Variants in MYOF observed in about 807,000 individuals in gnomAD.
MYOF encodes the protein myoferlin, also known as fer-1-like 3, myoferlin.
Under a neutral mutation model 284.2 loss-of-function variants are expected in MYOF, and 244 were observed. The ratio of observed to expected loss-of-function variants is 0.86; its 90% CI spans 0.77 to 0.95. The LOEUF (loss-of-function observed/expected upper bound fraction) is 0.95. MYOF is among the 40% of genes least tolerant of loss of function. The probability of loss-of-function intolerance (pLI) is 0.00; values close to 1 mark genes in which losing one functional copy is unlikely to be tolerated. For synonymous variants in MYOF, 904 were observed against 919.7 expected, an observed-to-expected ratio of 0.98 and a Z score of 0.31; for missense variants, 2,496 against 2,560.6, an observed-to-expected ratio of 0.97 and a Z score of 0.54.
At chr10:93,326,159 C>G (rs1160443613) in intron 45 of MYOF, among the ~76,000 whole-genome samples, 194 bp from the exon 46 acceptor site, 2 of 152,172 alleles carry the variant, frequency 1.3e-5, no homozygotes, top group Non-Finnish European at 1.5e-5. Flanking sequence ...CAACCAGGCT[C>G]AAGCCTAACT....
chr10:93,467,766 C>T (rs1275227530), intron 1 of MYOF, among the ~76,000 whole-genome samples: 1 of 152,186 alleles, frequency 6.6e-6, no homozygotes, highest in East Asian at 1.9e-4. Flanking sequence ...AAATGTGGCA[C>T]ATATATGCCA....
At chr10:93,341,716 T>C (rs935284390) in intron 38 of MYOF, among the ~76,000 whole-genome samples, 6 of 152,244 alleles carry the variant, frequency 3.9e-5, no homozygotes, top group African/African-American at 1.2e-4. Context: ...TTATATCTAA[T>C]AATAAACTTG....
intron 1 of MYOF, among the ~76,000 whole-genome samples, chr10:93,481,269 C>T (rs541726137): frequency 7.2e-5 from 11 of 152,236 alleles, no homozygotes; most frequent in East Asian, 3.9e-4. Flanking sequence ...GGCGTGATCA[C>T]GGCTCACTGT....
chr10:93,378,604 A>G (rs774044554), intron 21 of MYOF, among the ~76,000 whole-genome samples: 8 of 150,578 alleles, frequency 5.3e-5, no homozygotes, highest in Non-Finnish European at 1.2e-4. Flanking sequence ...TAATGTTGAA[A>G]TCAAAACACC....
chr10:93,367,820 G>A (rs1275964332), intron 25 of MYOF, among the ~76,000 whole-genome samples: 5 of 151,898 alleles, frequency 3.3e-5, no homozygotes, highest in South Asian at 2.1e-4. Context: ...TCTCGGGGGT[G>A]GGGGGGAATT....
intron 17 of MYOF, among the ~76,000 whole-genome samples, chr10:93,391,270 C>T (rs549638256): frequency 6.6e-6 from 1 of 152,294 alleles, no homozygotes; most frequent in African/African-American, 2.4e-5. Context: ...TCTATGTGCT[C>T]ACATCTTAGT....
intron 5 of MYOF, among the ~76,000 whole-genome samples, chr10:93,413,728 C>A (rs1847999668): frequency 6.6e-6 from 1 of 152,208 alleles, no homozygotes; most frequent in Admixed American, 6.5e-5. Context: ...GGGGCTCACA[C>A]CTCTAATCCC....
chr10:93,401,431 C>T lies in MYOF; in HGVS notation c.1104G>A (p.Glu368=). The change falls in exon 12 of 54, where the codon GAG becomes GAA. Residue 368 remains glutamate, a synonymous_variant. Transcript: ENST00000359263. ...ATCAGTACATACTCTGGGGGATGTCCTCAGCTCGGTAGATTTTCAGCAAGA... is the reference window on the plus strand; with the variant it reads ...ATCAGTACATACTCTGGGGGATGTCTTCAGCTCGGTAGATTTTCAGCAAGA... ...VTFLLKIYRA[E]DIPQMDDAFS... The T allele has an allele frequency of 6.2e-7, 1 of 1,614,124 alleles. No homozygotes were observed. Among genetic ancestry groups the T allele is most frequent in the Non-Finnish European group, 8.5e-7 (1 of 1,180,020 alleles).
At chr10:93,367,560 C>A (rs577054107) in intron 25 of MYOF, among the ~76,000 whole-genome samples, 3 of 152,224 alleles carry the variant, frequency 2.0e-5, no homozygotes, top group African/African-American at 7.2e-5. Flanking sequence ...GACCTTAAGG[C>A]TTGGGGTCAC....
chr10:93,337,945 G>T (rs1305769404), intron 39 of MYOF, 32 bp from the exon 40 acceptor site: 12 of 1,500,164 alleles, frequency 8.0e-6, no homozygotes, highest in African/African-American at 1.4e-5. Flanking sequence ...AAAATCTTTA[G>T]TGATGTCCTG....
intron 5 of MYOF, among the ~76,000 whole-genome samples, chr10:93,413,656 G>A (rs916921667): frequency 2.0e-5 from 3 of 152,182 alleles, no homozygotes; most frequent in Non-Finnish European, 2.9e-5. Context: ...GAAGGCTGTC[G>A]CAGGAAGTCC....
chr10:93,356,161 C>T (rs974613443), intron 30 of MYOF, among the ~76,000 whole-genome samples: 5 of 152,142 alleles, frequency 3.3e-5, no homozygotes, highest in African/African-American at 7.2e-5. Context: ...TGTTTTAGAT[C>T]ACCCACTGCC....
chr10:93,354,528 C>A (rs1844692173), intron 31 of MYOF, among the ~76,000 whole-genome samples: 1 of 152,168 alleles, frequency 6.6e-6, no homozygotes, highest in South Asian at 2.1e-4. Flanking sequence ...TCTCCAGCAG[C>A]TATAGAAACG....
intron 27 of MYOF, among the ~76,000 whole-genome samples, chr10:93,361,787 G>A (rs1845087167): frequency 6.6e-6 from 1 of 152,114 alleles, no homozygotes; most frequent in Non-Finnish European, 1.5e-5. Context: ...ATAGTACTAG[G>A]TTCAATCATG....
At chr10:93,475,360 G>T (rs376377573) in intron 1 of MYOF, among the ~76,000 whole-genome samples, 1 of 152,118 alleles carries the variant, frequency 6.6e-6, no homozygotes. Flanking sequence ...ACATAAAACT[G>T]GCAGCTTCAT....
chr10:93,375,856 C>T (rs1490829512), intron 22 of MYOF, among the ~76,000 whole-genome samples: 2 of 152,150 alleles, frequency 1.3e-5, no homozygotes, highest in Admixed American at 1.3e-4. Context: ...CCAAGGGTTC[C>T]TGAGAATGGC....
chr10:93,339,510 G>T (rs936845656), intron 39 of MYOF, among the ~76,000 whole-genome samples: 3 of 151,788 alleles, frequency 2.0e-5, no homozygotes, highest in Non-Finnish European at 4.4e-5. Flanking sequence ...TGTTGCCCAG[G>T]CTGGAGTACA....
At position 93,316,191 on chromosome 10, in the gene MYOF, C is replaced by A. The variant is rs1842603760; in HGVS notation, c.5698+523G>T. On this transcript the variant is annotated intron_variant, in intron 50 of 53. Transcript: ENST00000359263. ...GCTGGCTAATGTGACAAGACCAGAG[C>A]CTGGGAGAGTGAAAATCTGGAGAGC... 2.0e-5 allele frequency among the ~76,000 whole-genome samples: 3 copies of A among 151,932 alleles called. No individual in the cohort carries two copies. The South Asian group carries it at 6.3e-4, about 32-fold the overall frequency.
intron 5 of MYOF, among the ~76,000 whole-genome samples, chr10:93,418,756 C>T (rs766844432): frequency 6.6e-6 from 1 of 152,194 alleles, no homozygotes; most frequent in African/African-American, 2.4e-5. Context: ...GAGATGGGCG[C>T]CAGATGACTG....
Sources: gnomAD v4.1 joint callset for allele counts (sites outside exome capture counted in the v4.1 genomes callset) on GRCh38, gnomAD v4.1.1 for gene constraint, MANE v1.5 for transcripts, NCBI Gene and HGNC (gene_info 2026-07-23, HGNC 2026-07-21) for gene names.